Variants in SNTG1 observed in about 807,000 individuals in gnomAD.
The protein encoded by SNTG1 is syntrophin gamma 1, also known as gamma-1-syntrophin.
A neutral mutation model predicts 74.7 loss-of-function variants in SNTG1; 39 were observed. The ratio of observed to expected loss-of-function variants is 0.52; its 90% CI spans 0.40 to 0.68. The LOEUF is 0.68. Among genes scored for constraint, SNTG1 ranks in the 30% least tolerant of loss-of-function variants. SNTG1 has a pLI of 0.00. For synonymous variants in SNTG1, 254 were observed against 217.1 expected, an observed-to-expected ratio of 1.17 and a Z score of -1.49; for missense variants, 685 against 609.5, an observed-to-expected ratio of 1.12 and a Z score of -1.30.
intron 1 of SNTG1, among the ~76,000 whole-genome samples, chr8:50,098,506 A>T (rs2080011889): frequency 6.6e-6 from 1 of 152,154 alleles, no homozygotes; most frequent in Non-Finnish European, 1.5e-5. Context: ...ATGCAGGAGG[A>T]TGTGCATAGG....
intron 9 of SNTG1, among the ~76,000 whole-genome samples, chr8:50,524,162 T>C (rs1474931411): frequency 6.6e-6 from 1 of 152,104 alleles, no homozygotes; most frequent in African/African-American, 2.4e-5. Context: ...CTCTAATAGG[T>C]ATTGCATAGA....
chr8:50,306,612 T>C (rs1328996930), intron 2 of SNTG1, among the ~76,000 whole-genome samples: 1 of 152,172 alleles, frequency 6.6e-6, no homozygotes. Flanking sequence ...AGGTGGTATC[T>C]CATTGTGGTT....
rs190261268 is a variant in SNTG1 at position 50,428,784 on chromosome 8, T to G, written c.163-9759T>G. Among the ~76,000 whole-genome samples, 301 of 152,282 alleles carry G rather than the reference T, an allele frequency of 2.0e-3. 5 individuals are homozygous for G. Among genetic ancestry groups the G allele is most frequent in the African/African-American group, 6.8e-3 (281 of 41,572 alleles). On this transcript the variant is annotated intron_variant, in intron 4 of 18. Transcript: ENST00000642720. Reference sequence around the variant, plus strand: ...ATAGGAAAGGGCCTTTTTTTGTAATTTATTCTCTTTAATTAGATTTTTGTA... The same window carrying G: ...ATAGGAAAGGGCCTTTTTTTGTAATGTATTCTCTTTAATTAGATTTTTGTA...
chr8:50,122,373 A>G (rs1195450924), intron 1 of SNTG1, among the ~76,000 whole-genome samples: 1 of 141,340 alleles, frequency 7.1e-6, no homozygotes, highest in African/African-American at 2.6e-5. Flanking sequence ...AAAGTGAGGG[A>G]GTGAGGTCCC....
At chr8:49,972,937 A>G (rs548135288) in intron 1 of SNTG1, among the ~76,000 whole-genome samples, 117 of 152,304 alleles carry the variant, frequency 7.7e-4, no homozygotes, top group Non-Finnish European at 1.1e-3. Context: ...TAATTCAACC[A>G]TTGTGGAAGT....
chr8:49,974,826 T>G (rs11784278), intron 1 of SNTG1, among the ~76,000 whole-genome samples: 15,886 of 152,232 alleles, frequency 0.1, 1,236 homozygotes, highest in African/African-American at 0.2. Context: ...CCACATATGT[T>G]AATATATATA....
chr8:50,289,849 C>T (rs1010666929), intron 2 of SNTG1, among the ~76,000 whole-genome samples: 13 of 152,236 alleles, frequency 8.5e-5, no homozygotes, highest in Admixed American at 7.9e-4. Context: ...TTAAGGTCCT[C>T]CACCTTCCTT....
chr8:50,752,420 C>T (rs1312620485), intron 18 of SNTG1, among the ~76,000 whole-genome samples: 2 of 151,774 alleles, frequency 1.3e-5, no homozygotes, highest in East Asian at 3.9e-4. Flanking sequence ...TAGTTTCATT[C>T]TAAATAATAA....
intron 17 of SNTG1, among the ~76,000 whole-genome samples, chr8:50,710,873 G>A (rs1348620752): frequency 6.6e-6 from 1 of 152,176 alleles, no homozygotes; most frequent in African/African-American, 2.4e-5. Context: ...AGCACCAGAG[G>A]CCTTCAGGAA....
chr8:50,571,673 ACT>A (rs1484672946), intron 12 of SNTG1, among the ~76,000 whole-genome samples: 1 of 152,142 alleles, frequency 6.6e-6, no homozygotes, highest in Non-Finnish European at 1.5e-5. Context: ...TTTGCCTCAC[ACT>A]CTATTTCTAC....
At chr8:49,928,361 G>A (rs1056177399) in intron 1 of SNTG1, among the ~76,000 whole-genome samples, 17 of 151,464 alleles carry the variant, frequency 1.1e-4, no homozygotes, top group African/African-American at 3.6e-4. Context: ...CTCCCAGGTA[G>A]CTGGAACTAC....
chr8:50,419,516 T>G (rs1236282806), intron 4 of SNTG1, among the ~76,000 whole-genome samples: 1 of 152,154 alleles, frequency 6.6e-6, no homozygotes, highest in Non-Finnish European at 1.5e-5. Flanking sequence ...AATTCAAATC[T>G]GTGCAGCCCA....
chr8:50,215,125 C>T (rs2084716823), intron 2 of SNTG1, among the ~76,000 whole-genome samples: 1 of 152,030 alleles, frequency 6.6e-6, no homozygotes, highest in South Asian at 2.1e-4. Flanking sequence ...AGATCATTCT[C>T]CTGGGGCCCT....
At chr8:50,385,707 G>T (rs2092563431) in intron 2 of SNTG1, among the ~76,000 whole-genome samples, 1 of 152,152 alleles carries the variant, frequency 6.6e-6, no homozygotes, top group South Asian at 2.1e-4. Context: ...AAAGCAAACT[G>T]CTTCTGATGG....
chr8:50,681,538 C>T (rs186936719), intron 15 of SNTG1, among the ~76,000 whole-genome samples: 11 of 152,186 alleles, frequency 7.2e-5, no homozygotes, highest in African/African-American at 1.9e-4. Flanking sequence ...AACCTGTTTA[C>T]TATTTAACTG....
At chr8:50,414,336 T>C (rs2131413500) in intron 4 of SNTG1, among the ~76,000 whole-genome samples, 1 of 152,246 alleles carries the variant, frequency 6.6e-6, no homozygotes, top group Admixed American at 6.5e-5. Context: ...TCACAAAATC[T>C]CAGAAATGGT....
chr8:50,079,838 G>A (rs1822241566), intron 1 of SNTG1, among the ~76,000 whole-genome samples: 3 of 152,110 alleles, frequency 2.0e-5, no homozygotes, highest in Non-Finnish European at 2.9e-5. Flanking sequence ...CCCATTGCTT[G>A]TTGAAGATCA....
At chr8:50,766,606 T>C (rs1370440793) in intron 18 of SNTG1, among the ~76,000 whole-genome samples, 1 of 151,868 alleles carries the variant, frequency 6.6e-6, no homozygotes, top group Non-Finnish European at 1.5e-5. Flanking sequence ...ATTTTGGGGG[T>C]AGAAGCAAAT....
chr8:50,381,214 G>T (rs549682307), intron 2 of SNTG1: 1 of 151,644 alleles, frequency 6.6e-6, no homozygotes, highest in Non-Finnish European at 1.5e-5. Flanking sequence ...TTTCATAGGG[G>T]CTTTTTTTTT....
Sources: allele counts gnomAD v4.1 joint callset (sites outside exome capture counted in the v4.1 genomes callset), GRCh38; gene constraint gnomAD v4.1.1; transcripts MANE v1.5; gene names NCBI Gene and HGNC (gene_info 2026-07-23, HGNC 2026-07-21).